RABGAP1L: variants seen among roughly 807,000 people sequenced by gnomAD.
The protein encoded by RABGAP1L is rab GTPase-activating protein 1-like.
A neutral mutation model predicts 137.7 loss-of-function variants in RABGAP1L; 63 were observed. That is an observed-to-expected ratio of 0.46 (90% confidence interval 0.37 to 0.56). The LOEUF is 0.56. Among genes scored for constraint, RABGAP1L ranks in the 20% least tolerant of loss-of-function variants. The probability of loss-of-function intolerance (pLI) is 0.00; values close to 1 mark genes in which losing one functional copy is unlikely to be tolerated. For synonymous variants in RABGAP1L, 431 were observed against 433.7 expected (o/e 0.99, Z 0.08); for missense variants, 1,095 against 1,244.0 (o/e 0.88, Z 1.80).
intron 13 of RABGAP1L, among the ~76,000 whole-genome samples, chr1:174,556,221 C>T (rs2148002535): frequency 6.6e-6 from 1 of 152,132 alleles, no homozygotes; most frequent in Non-Finnish European, 1.5e-5. Flanking sequence ...TGTTCTCGAA[C>T]TCCTGACCTC....
chr1:174,948,466 C>T (rs1011582951), intron 19 of RABGAP1L, among the ~76,000 whole-genome samples: 1 of 135,164 alleles, frequency 7.4e-6, no homozygotes, highest in East Asian at 2.2e-4. Context: ...CTACAGTGAG[C>T]GGCACTGCAC....
intron 20 of RABGAP1L, among the ~76,000 whole-genome samples, chr1:174,960,048 T>A (rs1269335499): frequency 6.6e-6 from 1 of 152,186 alleles, no homozygotes; most frequent in Non-Finnish European, 1.5e-5. Context: ...TGGGAAGATC[T>A]TTGAGGGCAT....
chr1:174,830,483 T>C (rs907622751), intron 19 of RABGAP1L, among the ~76,000 whole-genome samples: 1 of 147,674 alleles, frequency 6.8e-6, no homozygotes, highest in African/African-American at 2.5e-5. Context: ...TTATTTTTCT[T>C]TTTTTTCTTT....
chr1:174,727,387 G>A (rs537731051), intron 17 of RABGAP1L, among the ~76,000 whole-genome samples: 3 of 152,222 alleles, frequency 2.0e-5, no homozygotes, highest in Non-Finnish European at 2.9e-5. Flanking sequence ...ATGCTGATTC[G>A]GATTTTATTG....
At chr1:174,914,837 C>A (rs1660596936) in intron 19 of RABGAP1L, among the ~76,000 whole-genome samples, 2 of 152,092 alleles carry the variant, frequency 1.3e-5, no homozygotes, top group Admixed American at 1.3e-4. Context: ...CATCCTACCC[C>A]CCAGATCCAT....
chr1:174,653,553 C>T (rs1297505084), intron 14 of RABGAP1L, among the ~76,000 whole-genome samples: 3 of 152,280 alleles, frequency 2.0e-5, no homozygotes, highest in East Asian at 3.9e-4. Context: ...CTTCACTTCC[C>T]TTGTGAGGTG....
chr1:174,839,056 TTG>T (rs1693105685), intron 19 of RABGAP1L, among the ~76,000 whole-genome samples: 8 of 140,942 alleles, frequency 5.7e-5, no homozygotes, highest in South Asian at 2.3e-4. Context: ...TGTGTGTGTG[TTG>T]GTAGGGGTGG....
chr1:174,605,118 G>A (rs1157211893), intron 13 of RABGAP1L, among the ~76,000 whole-genome samples: 4 of 152,028 alleles, frequency 2.6e-5, no homozygotes, highest in South Asian at 2.1e-4. Context: ...TCCAGCATGG[G>A]CAACAGAGTG....
intron 13 of RABGAP1L, among the ~76,000 whole-genome samples, chr1:174,451,425 G>A (rs1655431660): frequency 6.6e-6 from 1 of 152,128 alleles, no homozygotes; most frequent in Non-Finnish European, 1.5e-5. Flanking sequence ...ACAATTATAT[G>A]CCAGGCTCAC....
At chr1:174,903,955 G>GAA (rs371687455) in intron 19 of RABGAP1L, among the ~76,000 whole-genome samples, 12 of 75,498 alleles carry the variant, frequency 1.6e-4, no homozygotes, top group East Asian at 8.7e-4. Context: ...TGTCTCAAAA[G>GAA]AAAAAAAAAA....
At chr1:174,980,510 G>GGA (rs1671003282) in intron 23 of RABGAP1L, among the ~76,000 whole-genome samples, 1 of 152,222 alleles carries the variant, frequency 6.6e-6, no homozygotes, top group Non-Finnish European at 1.5e-5. Context: ...ACTTGGATCT[G>GGA]TAGAGATAAA....
At chr1:174,744,542 T>C (rs993499699) in intron 17 of RABGAP1L, among the ~76,000 whole-genome samples, 5 of 152,228 alleles carry the variant, frequency 3.3e-5, no homozygotes, top group Non-Finnish European at 5.9e-5. Context: ...GTGAGACATA[T>C]AGTGATGTTA....
intron 19 of RABGAP1L, among the ~76,000 whole-genome samples, chr1:174,910,959 T>C (rs1659957775): frequency 6.6e-6 from 1 of 152,212 alleles, no homozygotes; most frequent in South Asian, 2.1e-4. Flanking sequence ...CACTAACATA[T>C]GTTATTTTCC....
intron 13 of RABGAP1L, among the ~76,000 whole-genome samples, chr1:174,574,962 C>T (rs1395515227): frequency 6.6e-6 from 1 of 152,220 alleles, no homozygotes; most frequent in East Asian, 1.9e-4. Context: ...CAGAGTCTCA[C>T]TCTTGTTGCC....
chr1:174,255,122 C>T (rs866290294), intron 7 of RABGAP1L, among the ~76,000 whole-genome samples: 9 of 151,968 alleles, frequency 5.9e-5, no homozygotes, highest in Middle Eastern at 6.8e-3. Flanking sequence ...GTTTGTTGGC[C>T]GCATAAATGT....
At position 174,326,325 on chromosome 1, in the gene RABGAP1L, A is replaced by T. The variant is rs1365855857; in HGVS notation, c.1465+21198A>T. Among the ~76,000 whole-genome samples, 3 of 152,236 alleles carry T rather than the reference A, an allele frequency of 2.0e-5. No individual in the cohort carries two copies. In the East Asian group the frequency reaches 5.8e-4, roughly 29 times the overall value. On this transcript the variant is annotated intron_variant, in intron 11 of 25. Transcript: ENST00000681986. ...CTTCTAGAAAACAGAAACAATTCAG[A>T]AATTTATCAGAGAAATCCAACAGAG...
chr1:174,259,529 A>G (rs916561612), intron 7 of RABGAP1L, among the ~76,000 whole-genome samples: 5 of 152,264 alleles, frequency 3.3e-5, no homozygotes, highest in Admixed American at 3.3e-4. Flanking sequence ...AATAAAAAGT[A>G]TATAAAAGTT....
chr1:174,581,425 A>C (rs1417809131), intron 13 of RABGAP1L, among the ~76,000 whole-genome samples: 1 of 152,224 alleles, frequency 6.6e-6, no homozygotes, highest in Non-Finnish European at 1.5e-5. Flanking sequence ...AAGCGAATGA[A>C]ATGAGTCACA....
At chr1:174,280,264 A>G (rs1675402478) in intron 10 of RABGAP1L, among the ~76,000 whole-genome samples, 1 of 152,212 alleles carries the variant, frequency 6.6e-6, no homozygotes, top group South Asian at 2.1e-4. Context: ...GTTGGTCTAC[A>G]CTATACAACA....
Sources: gnomAD v4.1 joint callset for allele counts (sites outside exome capture counted in the v4.1 genomes callset) on GRCh38, gnomAD v4.1.1 for gene constraint, MANE v1.5 for transcripts, NCBI Gene and HGNC (gene_info 2026-07-23, HGNC 2026-07-21) for gene names.